Variants in CLINT1 observed in about 807,000 individuals in gnomAD.
The protein encoded by CLINT1 is clathrin interacting protein localized in the trans-Golgi region.
A neutral mutation model predicts 70.4 loss-of-function variants in CLINT1; 15 were observed. The ratio of observed to expected loss-of-function variants is 0.21; its 90% CI spans 0.14 to 0.33. CLINT1 has a LOEUF of 0.33. Among genes scored for constraint, CLINT1 ranks in the 10% least tolerant of loss-of-function variants. The pLI, the probability that CLINT1 is intolerant of heterozygous loss-of-function variation, is 1.00. For missense variants in CLINT1, 615 were observed against 778.1 expected, an observed-to-expected ratio of 0.79 and a Z score of 2.49; for synonymous variants, 227 against 254.7, an observed-to-expected ratio of 0.89 and a Z score of 1.04.
At chr5:157,792,779 T>G (rs1422525240) in intron 9 of CLINT1, among the ~76,000 whole-genome samples, 1 of 152,168 alleles carries the variant, frequency 6.6e-6, no homozygotes, top group East Asian at 1.9e-4. Context: ...ATCACTACAG[T>G]CTTATCAATT....
chr5:157,815,999 C>A (rs978623596), intron 3 of CLINT1, among the ~76,000 whole-genome samples: 1 of 152,048 alleles, frequency 6.6e-6, no homozygotes, highest in Non-Finnish European at 1.5e-5. Context: ...TTTTAAAAAA[C>A]CAAAAAACTA....
chr5:157,791,350 G>A (rs550792556), intron 10 of CLINT1, among the ~76,000 whole-genome samples: 7 of 152,262 alleles, frequency 4.6e-5, no homozygotes, highest in South Asian at 2.1e-4. Context: ...GAGCCACTGC[G>A]CCTGGCCTAT....
chr5:157,858,980 C>A lies in CLINT1; in HGVS notation c.-10G>T, dbSNP rs1309564253. The A allele has an allele frequency of 5.6e-6, 9 of 1,610,838 alleles. No homozygotes were observed. The highest frequency in any genetic ancestry group is 5.9e-6 in the Non-Finnish European group (7 of 1,178,708). On this transcript the variant is annotated 5_prime_UTR_variant, in exon 1 of 12. Transcript: ENST00000411809. ...TCCACATGTTCAACATCGTGCCCCG[C>A]GCGGGACGGTCCGCCGCCTCCCTCT...
rs762480925 is a variant in CLINT1 at position 157,789,566 on chromosome 5, G to A, written c.1381-53C>T. ...CAGCACTGTGCTAACATTTTGCAAA[G>A]GCTGGAAAATAGAAAAATGCTCTAA... On this transcript the variant is annotated intron_variant, in intron 10 of 11. Transcript: ENST00000411809. The A allele has an allele frequency of 3.0e-5, 49 of 1,611,970 alleles. No individual in the cohort carries two copies. Among genetic ancestry groups the A allele is most frequent in the Non-Finnish European group, 3.6e-5 (43 of 1,178,854 alleles).
At chr5:157,791,368 T>C (rs1694371282) in intron 10 of CLINT1, among the ~76,000 whole-genome samples, 1 of 152,110 alleles carries the variant, frequency 6.6e-6, no homozygotes, top group African/African-American at 2.4e-5. Flanking sequence ...TATTTCTTTT[T>C]CTTAAAGACA....
chr5:157,843,608 T>C (rs1753266810), intron 1 of CLINT1, among the ~76,000 whole-genome samples: 1 of 152,188 alleles, frequency 6.6e-6, no homozygotes, highest in Non-Finnish European at 1.5e-5. Context: ...CACTCTTCAT[T>C]TAAAACTAAT....
chr5:157,831,860 T>A (rs1027083618), intron 1 of CLINT1, among the ~76,000 whole-genome samples: 3 of 152,056 alleles, frequency 2.0e-5, no homozygotes, highest in African/African-American at 7.2e-5. Flanking sequence ...TCCAGCTAAT[T>A]TTTGTATTTG....
At chr5:157,845,812 C>T (rs1753357619) in intron 1 of CLINT1, among the ~76,000 whole-genome samples, 1 of 152,196 alleles carries the variant, frequency 6.6e-6, no homozygotes, top group South Asian at 2.1e-4. Flanking sequence ...CCTCCACCTC[C>T]CAAAGTGCTG....
At chr5:157,844,983 G>C (rs1463651910) in intron 1 of CLINT1, among the ~76,000 whole-genome samples, 1 of 152,210 alleles carries the variant, frequency 6.6e-6, no homozygotes, top group Non-Finnish European at 1.5e-5. Context: ...CAAGAGGTCA[G>C]AAAAAATTCC....
intron 6 of CLINT1, among the ~76,000 whole-genome samples, chr5:157,808,235 GTATT>G (rs1338670142): frequency 2.6e-5 from 4 of 152,012 alleles, no homozygotes; most frequent in African/African-American, 9.7e-5. Flanking sequence ...TATTCTGTTG[GTATT>G]TCCTGAACAG....
intron 1 of CLINT1, 124 bp from the exon 2 acceptor site, chr5:157,817,671 A>T: frequency 1.7e-6 from 1 of 605,956 alleles, no homozygotes; most frequent in African/African-American, 1.8e-5. Flanking sequence ...GATGGGAGAG[A>T]AAACATCTTT....
At chr5:157,835,150 G>A (rs564997640) in intron 1 of CLINT1, among the ~76,000 whole-genome samples, 1 of 152,190 alleles carries the variant, frequency 6.6e-6, no homozygotes, top group Non-Finnish European at 1.5e-5. Flanking sequence ...TGCTTTACAC[G>A]TTGGCAATTT....
chr5:157,853,899 T>C (rs1753663426), intron 1 of CLINT1, among the ~76,000 whole-genome samples: 1 of 151,534 alleles, frequency 6.6e-6, no homozygotes, highest in African/African-American at 2.4e-5. Context: ...ACTAAATAGA[T>C]TAAACTACAG....
intron 1 of CLINT1, among the ~76,000 whole-genome samples, chr5:157,840,781 A>G (rs1753147705): frequency 6.6e-6 from 1 of 152,126 alleles, no homozygotes. Context: ...TCACGCTTGT[A>G]ATCCTAGCAC....
rs540973399 is a variant in CLINT1, at chr5:157,815,962, C to T, written c.243+772G>A. The stretch of plus-strand genomic sequence containing the variant: ...AAATGTCCTTATGTGGTATATACGA[C>T]TTTTAAAAAGGAGTTTATCCAAGAA... On this transcript the variant is annotated intron_variant, in intron 3 of 11. Coordinates refer to ENST00000411809, the MANE Select transcript of CLINT1 (RefSeq NM_014666.4). Among the ~76,000 whole-genome samples the T allele has an allele frequency of 3.3e-5, 5 of 152,264 alleles. No homozygotes were observed. In the South Asian group the frequency reaches 1.0e-3, roughly 32 times the overall value.
intron 7 of CLINT1, 46 bp from the exon 8 acceptor site, chr5:157,803,765 C>A: frequency 7.1e-7 from 1 of 1,409,060 alleles, no homozygotes; most frequent in South Asian, 1.5e-5. Context: ...GTTTGTTTTT[C>A]TAAAAATCAG....
intron 1 of CLINT1, among the ~76,000 whole-genome samples, chr5:157,840,192 CAAAAAAA>C (rs57245921): frequency 9.0e-5 from 5 of 55,334 alleles, no homozygotes; most frequent in Admixed American, 6.2e-4. Flanking sequence ...GAGACTGCCT[CAAAAAAA>C]AAAAAAAAAA....
intron 9 of CLINT1, among the ~76,000 whole-genome samples, chr5:157,793,506 G>A (rs1476913875): frequency 6.6e-6 from 1 of 152,070 alleles, no homozygotes; most frequent in Non-Finnish European, 1.5e-5. Context: ...AGGTGGTCAG[G>A]TTATATTAAT....
At chr5:157,788,109 C>A (rs952633179) in intron 11 of CLINT1, 117 bp from the exon 12 acceptor site, 19 of 824,084 alleles carry the variant, frequency 2.3e-5, no homozygotes, top group Non-Finnish European at 2.6e-5. Context: ...AATAAAATTC[C>A]TTTACAGTGA....
Sources: allele counts gnomAD v4.1 joint callset (sites outside exome capture counted in the v4.1 genomes callset), GRCh38; gene constraint gnomAD v4.1.1; transcripts MANE v1.5; gene names NCBI Gene and HGNC (gene_info 2026-07-23, HGNC 2026-07-21).